TANGO6: variants seen among roughly 807,000 people sequenced by gnomAD.
TANGO6 encodes the protein transport and golgi organization 6 homolog, also known as transport and Golgi organization protein 6 homolog.
A neutral mutation model predicts 114.2 loss-of-function variants in TANGO6; 90 were observed. That is an observed-to-expected ratio of 0.79 (90% confidence interval 0.66 to 0.94). The LOEUF (loss-of-function observed/expected upper bound fraction) is 0.94, where lower values mean the gene tolerates loss of function less well. TANGO6 is among the 40% of genes least tolerant of loss of function. TANGO6 has a pLI of 0.00. For missense variants in TANGO6, 1,274 were observed against 1,315.3 expected (o/e 0.97, Z 0.49); for synonymous variants, 477 against 509.8 (o/e 0.94, Z 0.87).
intron 7 of TANGO6, among the ~76,000 whole-genome samples, chr16:68,884,466 G>A (rs1962511074): frequency 6.6e-6 from 1 of 152,168 alleles, no homozygotes; most frequent in East Asian, 1.9e-4. Flanking sequence ...ATTATGGAGA[G>A]ATAAGAAATT....
chr16:68,970,212 C>T (rs1250964241), intron 14 of TANGO6, among the ~76,000 whole-genome samples: 4 of 152,126 alleles, frequency 2.6e-5, no homozygotes, highest in African/African-American at 7.2e-5. Flanking sequence ...TCCAAAAGAA[C>T]ACCATGGTGG....
At chr16:68,866,752 C>T (rs1962184101) in intron 3 of TANGO6, among the ~76,000 whole-genome samples, 1 of 151,988 alleles carries the variant, frequency 6.6e-6, no homozygotes, top group South Asian at 2.1e-4. Flanking sequence ...GCCTGGCTAA[C>T]ATGGTGAAAC....
chr16:69,007,175 T>C (rs1166470400), intron 15 of TANGO6: 2 of 152,208 alleles, frequency 1.3e-5, no homozygotes, highest in African/African-American at 4.8e-5. Flanking sequence ...AAAGTTCATC[T>C]GTGTTGTAGC....
chr16:68,954,038 G>C (rs960981378), intron 14 of TANGO6, among the ~76,000 whole-genome samples: 2 of 151,684 alleles, frequency 1.3e-5, no homozygotes, highest in Non-Finnish European at 2.9e-5. Flanking sequence ...TCAGGAGTTC[G>C]AGACCAGCCT....
chr16:68,905,749 T>C (rs575126833), intron 9 of TANGO6, among the ~76,000 whole-genome samples: 9 of 152,022 alleles, frequency 5.9e-5, no homozygotes, highest in Non-Finnish European at 1.3e-4. Flanking sequence ...GGTGCCCCTC[T>C]GTAGTCCCAG....
At chr16:68,908,318 T>C (rs1446925524) in intron 10 of TANGO6, among the ~76,000 whole-genome samples, 1 of 152,130 alleles carries the variant, frequency 6.6e-6, no homozygotes, top group Admixed American at 6.6e-5. Flanking sequence ...TTACCTCCCA[T>C]GTTCACACCC....
intron 15 of TANGO6, among the ~76,000 whole-genome samples, chr16:68,988,762 C>A (rs535070553): frequency 7.2e-6 from 1 of 138,454 alleles, no homozygotes; most frequent in African/African-American, 2.7e-5. Context: ...TACAGTGTTA[C>A]AATCACAGCT....
intron 16 of TANGO6, chr16:69,036,169 A>AT (rs1275455832): frequency 1.3e-5 from 2 of 151,916 alleles, no homozygotes; most frequent in Non-Finnish European, 2.9e-5. Flanking sequence ...AGTGTTCATT[A>AT]TGTCGTTGGG....
At chr16:68,849,473 CA>C (rs974253021) in intron 1 of TANGO6, among the ~76,000 whole-genome samples, 8 of 151,934 alleles carry the variant, frequency 5.3e-5, no homozygotes, top group African/African-American at 1.9e-4. Flanking sequence ...ACTGTCTCTA[CA>C]AAAAATACAG....
intron 15 of TANGO6, among the ~76,000 whole-genome samples, chr16:68,990,437 A>G (rs1224823348): frequency 6.6e-6 from 1 of 152,148 alleles, no homozygotes; most frequent in Non-Finnish European, 1.5e-5. Flanking sequence ...TACCACGAGA[A>G]CAGTATGGGG....
chr16:68,991,685 G>T (rs1401369743), intron 15 of TANGO6, among the ~76,000 whole-genome samples: 8 of 152,072 alleles, frequency 5.3e-5, no homozygotes, highest in African/African-American at 1.9e-4. Context: ...GGGCATAGTG[G>T]CATGCATCTG....
intron 17 of TANGO6, among the ~76,000 whole-genome samples, chr16:69,073,419 TG>T (rs1025067733): frequency 2.6e-5 from 4 of 152,168 alleles, no homozygotes; most frequent in African/African-American, 9.7e-5. Flanking sequence ...TCACTCCATG[TG>T]GGGTGTGTGT....
intron 17 of TANGO6, among the ~76,000 whole-genome samples, chr16:69,053,372 C>G (rs1340476753): frequency 6.6e-6 from 1 of 152,060 alleles, no homozygotes. Context: ...CATTTCCTTT[C>G]TTGTTTGAAT....
rs1335694583 is a variant in TANGO6, at chr16:68,902,383, G to A, written c.1546G>A (p.Ala516Thr). ...WILGKLERKKAIASLKGFAGL... is the reference protein window; with the variant it reads ...WILGKLERKKTIASLKGFAGL... ...TCTGGGGAAGCTGGAAAGGAAGAAGGCAATTGCCAGCCTGAAAGGATTTGC... is the reference window on the plus strand; with the variant it reads ...TCTGGGGAAGCTGGAAAGGAAGAAGACAATTGCCAGCCTGAAAGGATTTGC... The change falls in exon 9 of 18, where the codon GCA becomes ACA. Residue 516 changes from alanine (A) to threonine (T), a missense_variant. Ala to Thr is a moderately conservative substitution (Grantham distance 58, BLOSUM62 0). Coordinates refer to ENST00000261778, the MANE Select transcript of TANGO6 (RefSeq NM_024562.2). 2 of 1,613,458 alleles carry A rather than the reference G, an allele frequency of 1.2e-6. No homozygotes were observed. Among genetic ancestry groups the A allele is most frequent in the African/African-American group, 1.3e-5 (1 of 74,994 alleles).
At chr16:69,072,025 C>T (rs1390292060) in intron 17 of TANGO6, among the ~76,000 whole-genome samples, 1 of 43,802 alleles carries the variant, frequency 2.3e-5, no homozygotes, top group Non-Finnish European at 4.1e-5. Flanking sequence ...GAGAGGGAGA[C>T]CGTGTGTGTG....
intron 7 of TANGO6, among the ~76,000 whole-genome samples, chr16:68,882,800 T>C (rs986044477): frequency 1.3e-5 from 2 of 151,728 alleles, no homozygotes; most frequent in African/African-American, 2.4e-5. Flanking sequence ...GGGCGGATCA[T>C]GAGGTCAGTA....
chr16:69,045,360 C>T (rs1297345569), intron 17 of TANGO6, among the ~76,000 whole-genome samples: 2 of 139,530 alleles, frequency 1.4e-5, no homozygotes, highest in Non-Finnish European at 3.0e-5. Flanking sequence ...AGGAGAATGG[C>T]GTGAACCTGG....
intron 11 of TANGO6, among the ~76,000 whole-genome samples, chr16:68,916,821 C>T (rs1963012373): frequency 6.6e-6 from 1 of 152,118 alleles, no homozygotes; most frequent in African/African-American, 2.4e-5. Flanking sequence ...CCCTTACACT[C>T]CCTGCACTCA....
At chr16:68,851,413 C>A (rs536553897) in intron 1 of TANGO6, among the ~76,000 whole-genome samples, 43 of 152,304 alleles carry the variant, frequency 2.8e-4, no homozygotes, top group Middle Eastern at 6.8e-3. Flanking sequence ...CCACCTCGGC[C>A]TCCCAAAGTG....
Sources: gnomAD v4.1 joint callset for allele counts (sites outside exome capture counted in the v4.1 genomes callset) on GRCh38, gnomAD v4.1.1 for gene constraint, MANE v1.5 for transcripts, NCBI Gene and HGNC (gene_info 2026-07-23, HGNC 2026-07-21) for gene names.